BDH1: variants seen among roughly 807,000 people sequenced by gnomAD.
BDH1 encodes the protein 3-hydroxybutyrate dehydrogenase 1.
A neutral mutation model predicts 33.1 loss-of-function variants in BDH1; 30 were observed. The ratio of observed to expected loss-of-function variants is 0.91; its 90% confidence interval spans 0.68 to 1.23. BDH1 has a LOEUF of 1.23. BDH1 is among the 50% of genes most tolerant of loss of function. The pLI is 0.00. For synonymous variants in BDH1, 190 were observed against 183.6 expected (o/e 1.03, Z -0.28); for missense variants, 443 against 464.4 (o/e 0.95, Z 0.42).
At chr3:197,553,544 A>AG (rs1432866334) in intron 2 of BDH1, among the ~76,000 whole-genome samples, 1 of 147,628 alleles carries the variant, frequency 6.8e-6, no homozygotes, top group Non-Finnish European at 1.5e-5. Flanking sequence ...AAAAAAAAAA[A>AG]AAGAAGAGTT....
rs920271571 is a variant in BDH1, at chr3:197,520,359, G to A, written c.409+2281C>T. On this transcript the variant is annotated intron_variant, in intron 6 of 7. Coordinates refer to ENST00000392379, the MANE Select transcript of BDH1 (RefSeq NM_203314.3). The surrounding 1 kb of genome is among the most constrained non-coding windows in gnomAD (Gnocchi z 6.0). ...GTTCATCCAGCCCTCCGGAATGCCC[G>A]GCGTGGGAAAAGCAGCAGGGAAAGG... Among the ~76,000 whole-genome samples, 1 of 152,174 alleles carries A rather than the reference G, an allele frequency of 6.6e-6. No individual in the cohort carries two copies. The highest frequency in any genetic ancestry group is 2.4e-5 in the African/African-American group (1 of 41,448).
intron 3 of BDH1, 130 bp from the exon 4 acceptor site, chr3:197,533,691 A>C: frequency 1.2e-6 from 1 of 808,788 alleles, no homozygotes. Context: ...CAACTGAGTA[A>C]GAGGCCCTCT....
intron 2 of BDH1, among the ~76,000 whole-genome samples, chr3:197,550,446 T>A (rs1018121973): frequency 2.0e-5 from 3 of 152,068 alleles, no homozygotes; most frequent in Non-Finnish European, 4.4e-5. Context: ...TCACCTGATG[T>A]CCCCTCCTCT....
At chr3:197,544,140 A>C (rs1715887313) in intron 3 of BDH1, among the ~76,000 whole-genome samples, 1 of 152,086 alleles carries the variant, frequency 6.6e-6, no homozygotes, top group Non-Finnish European at 1.5e-5. Context: ...TTTCCCTCTG[A>C]GGGACTGTGG....
At chr3:197,540,185 G>A (rs1296520728) in intron 3 of BDH1, among the ~76,000 whole-genome samples, 1 of 151,896 alleles carries the variant, frequency 6.6e-6, no homozygotes, top group African/African-American at 2.4e-5. Context: ...CAAGTAGCTG[G>A]GATTATTATA....
intron 1 of BDH1, among the ~76,000 whole-genome samples, chr3:197,562,873 A>G (rs1717312589): frequency 6.6e-6 from 1 of 152,160 alleles, no homozygotes; most frequent in Non-Finnish European, 1.5e-5. Context: ...GTAAAATGGA[A>G]GTAATACAGT....
chr3:197,556,228 G>A (rs1410942353), upstream of BDH1, among the ~76,000 whole-genome samples: 2 of 152,250 alleles, frequency 1.3e-5, no homozygotes, highest in Non-Finnish European at 2.9e-5. Flanking sequence ...TTGCAGCCTC[G>A]CGGGCTGAGG....
chr3:197,530,445 A>G (rs1362863171), intron 5 of BDH1: 1 of 152,090 alleles, frequency 6.6e-6, no homozygotes, highest in Non-Finnish European at 1.5e-5. Context: ...ATGTGGTGGT[A>G]GGCACCTATA....
chr3:197,550,384 A>G (rs906126482), intron 2 of BDH1, among the ~76,000 whole-genome samples: 1 of 152,160 alleles, frequency 6.6e-6, no homozygotes, highest in African/African-American at 2.4e-5. Flanking sequence ...TTCTCCTCCG[A>G]TAACACACCA....
intron 5 of BDH1, chr3:197,530,273 C>A (rs1237163445): frequency 1.3e-5 from 2 of 152,094 alleles, no homozygotes; most frequent in African/African-American, 4.8e-5. Context: ...AATTACATGA[C>A]CCCTAGGATG....
intron 2 of BDH1, among the ~76,000 whole-genome samples, chr3:197,549,977 A>ATTTTTT (rs202162714): frequency 6.7e-6 from 1 of 150,098 alleles, no homozygotes; most frequent in African/African-American, 2.5e-5. Flanking sequence ...AATAACTATT[A>ATTTTTT]TATATATATT....
chr3:197,522,606 T>C lies in BDH1; in HGVS notation c.409+34A>G. 2 of 1,612,084 alleles carry C rather than the reference T, an allele frequency of 1.2e-6. No individual in the cohort carries two copies. The highest frequency in any genetic ancestry group is 1.7e-6 in the Non-Finnish European group (2 of 1,179,008). ...GCAAGTGCCCCTTGGAATGGCCCCA[T>C]ACACAACCCCTGCCGTCCGAAGGGG... On this transcript the variant is annotated intron_variant, in intron 6 of 7. Transcript: ENST00000392379. This position sits in a 1 kb window ranked among gnomAD's most constrained non-coding sequence, Gnocchi z 4.8.
At chr3:197,543,927 A>G (rs1240178861) in intron 3 of BDH1, among the ~76,000 whole-genome samples, 1 of 152,066 alleles carries the variant, frequency 6.6e-6, no homozygotes, top group Non-Finnish European at 1.5e-5. Flanking sequence ...TTAACAGGAG[A>G]AAAGATTTCT....
intron 1 of BDH1, among the ~76,000 whole-genome samples, chr3:197,561,286 C>T (rs1188620080): frequency 6.6e-6 from 1 of 152,092 alleles, no homozygotes; most frequent in Non-Finnish European, 1.5e-5. Flanking sequence ...CCAGAGAATC[C>T]TTGATCTCCC....
At position 197,512,278 on chromosome 3, in the gene BDH1, C is replaced by A. The variant is rs765743905; in HGVS notation, c.649G>T (p.Ala217Ser). 6.2e-7 allele frequency: 1 copy of A among 1,612,870 alleles called. No individual in the cohort carries two copies. The highest frequency in any genetic ancestry group is 2.2e-5 in the East Asian group (1 of 44,886). ...TCATAGCGCAGGCAGTCCGAGAAAG[C>A]CTCTACCCCGAACTTGGTGATGCAG... is the stretch of plus-strand genomic sequence containing the variant. ...PYCITKFGVE[A>S]FSDCLRYEMY... The change falls in exon 8 of 8, where the codon GCT (alanine) becomes TCT (serine). Residue 217 changes from alanine to serine, a missense_variant. Physicochemically the swap from Ala to Ser is moderately conservative, Grantham distance 99 (BLOSUM62 1). Coordinates refer to ENST00000392379, the MANE Select transcript of BDH1 (RefSeq NM_203314.3).
upstream of BDH1, among the ~76,000 whole-genome samples, chr3:197,559,720 G>A (rs888902720): frequency 3.3e-5 from 5 of 152,188 alleles, no homozygotes; most frequent in Admixed American, 6.5e-5. Flanking sequence ...AGGGCATCAC[G>A]AGTGAACTCT....
chr3:197,525,780 G>T lies in BDH1; in HGVS notation c.268-2999C>A, dbSNP rs1047079628. ...ACTCTGGTGGCCTGTCCCCCTCAGGGTCTACCTGTCCTCAGGCCAAGACTG... is the reference window on the plus strand; with the variant it reads ...ACTCTGGTGGCCTGTCCCCCTCAGGTTCTACCTGTCCTCAGGCCAAGACTG... On this transcript the variant is annotated intron_variant, in intron 5 of 7. Transcript: ENST00000392379. The surrounding 1 kb of genome is among the most constrained non-coding windows in gnomAD (Gnocchi z 4.9). Among the ~76,000 whole-genome samples the T allele has an allele frequency of 6.6e-5, 10 of 152,202 alleles. No homozygotes were observed. The highest frequency in any genetic ancestry group is 2.4e-4 in the African/African-American group (10 of 41,450).
rs1442219180 is a variant in BDH1 at position 197,520,017 on chromosome 3, C to T, written c.409+2623G>A. 1.3e-5 allele frequency among the ~76,000 whole-genome samples: 2 copies of T among 152,096 alleles called. No individual in the cohort carries two copies. The highest frequency in any genetic ancestry group is 2.1e-4 in the South Asian group (1 of 4,806). ...GAGAAGGGGAAGAGGACCCTTCTGA[C>T]ATGTCCTGCATGGGGTGTGGGTCGG... On this transcript the variant is annotated intron_variant, in intron 6 of 7. Coordinates refer to ENST00000392379, the MANE Select transcript of BDH1 (RefSeq NM_203314.3). The surrounding 1 kb of genome is among the most constrained non-coding windows in gnomAD (Gnocchi z 6.0).
chr3:197,548,929 T>C (rs1276011780), intron 2 of BDH1, among the ~76,000 whole-genome samples: 1 of 152,088 alleles, frequency 6.6e-6, no homozygotes. Context: ...CTCAATGTAG[T>C]CTGTTGCATG....
Sources: allele counts gnomAD v4.1 joint callset (sites outside exome capture counted in the v4.1 genomes callset), GRCh38; gene constraint gnomAD v4.1.1; non-coding constraint Gnocchi (gnomAD v3.1); transcripts MANE v1.5; gene names NCBI Gene and HGNC (gene_info 2026-07-23, HGNC 2026-07-21).